RIMS3: variants seen among roughly 807,000 people sequenced by gnomAD.
The protein encoded by RIMS3 is regulating synaptic membrane exocytosis 3, also known as regulating synaptic membrane exocytosis protein 3.
A neutral mutation model predicts 29.2 loss-of-function variants in RIMS3; 15 were observed. The ratio of observed to expected loss-of-function variants is 0.51; its 90% CI spans 0.34 to 0.79. The LOEUF (loss-of-function observed/expected upper bound fraction) is 0.79. RIMS3 is among the 30% of genes least tolerant of loss of function. The pLI, the probability that RIMS3 is intolerant of heterozygous loss-of-function variation, is 0.01. For missense variants in RIMS3, 342 were observed against 421.4 expected, an observed-to-expected ratio of 0.81 and a Z score of 1.65; for synonymous variants, 161 against 170.1, an observed-to-expected ratio of 0.95 and a Z score of 0.41.
the RIMS3 span, among the ~76,000 whole-genome samples, chr1:40,683,306 T>C: frequency 2.0e-5 from 3 of 152,202 alleles, no homozygotes; most frequent in African/African-American, 7.2e-5. Context: ...TTTAACAACG[T>C]TGAGAAGTGG....
rs1379935566 is a variant in RIMS3 at position 40,621,436 on chromosome 1, G to A, written c.*5081C>T. 6.6e-6 allele frequency: 1 copy of A among 152,228 alleles called. No homozygotes were observed. The highest frequency in any genetic ancestry group is 1.9e-4 in the East Asian group (1 of 5,204). The allele number at this position is 152,228 out of a possible 1,614,324, so 9.4% of individuals were successfully genotyped here. On this transcript the variant is annotated 3_prime_UTR_variant, in exon 8 of 8. Transcript: ENST00000372684. ...GTTAGGATTCCCAGAGTTCTTGTCT[G>A]AGGCAGCATCTGGGCATGGACCAGA...
upstream of RIMS3, among the ~76,000 whole-genome samples, chr1:40,670,574 T>TTATACATATATA (rs1642479981): frequency 1.4e-5 from 1 of 71,210 alleles, no homozygotes; most frequent in Non-Finnish European, 2.4e-5. Context: ...AGTTATAATT[T>TTATACATATATA]TATATATATA....
chr1:40,642,844 T>C (rs1292317506), intron 2 of RIMS3, among the ~76,000 whole-genome samples: 2 of 98,104 alleles, frequency 2.0e-5, no homozygotes, highest in African/African-American at 7.5e-5. Context: ...TAATCCCAAC[T>C]ACTCAGGAGG....
rs537562036 is a variant in RIMS3, at chr1:40,659,898, C to T, written c.-207+5496G>A. ...AGATCCCACAGGGCCTCGGAGACTG[C>T]GTCAGTGCATCTGGCTTTCATTCCA... On this transcript the variant is annotated intron_variant, in intron 1 of 7. Transcript: ENST00000372684. Among the ~76,000 whole-genome samples the T allele has an allele frequency of 4.6e-5, 7 of 152,278 alleles. No homozygotes were observed. The South Asian group carries it at 8.3e-4, about 18-fold the overall frequency.
intron 2 of RIMS3, 92 bp from the exon 3 acceptor site, chr1:40,642,048 A>C (rs1646562347): frequency 2.6e-6 from 2 of 764,658 alleles, no homozygotes; most frequent in Non-Finnish European, 4.5e-6. Context: ...ACCTTGGGCT[A>C]GTCACTTGAC....
chr1:40,639,423 G>A lies in RIMS3; in HGVS notation c.217+2286C>T, dbSNP rs1011811799. Among the ~76,000 whole-genome samples the A allele has an allele frequency of 6.6e-5, 10 of 152,204 alleles. No homozygotes were observed. In the East Asian group the frequency reaches 1.9e-3, roughly 29 times the overall value. Reference sequence around the variant, plus strand: ...CTAGATGGAGAGGAACGTGCTACAGGGAAGGAGCAGAGGTGTGGAGGCTGA... The same window carrying A: ...CTAGATGGAGAGGAACGTGCTACAGAGAAGGAGCAGAGGTGTGGAGGCTGA... On this transcript the variant is annotated intron_variant, in intron 3 of 7. Transcript: ENST00000372684.
Position 40,623,639 on chromosome 1 carries a change from G to C in RIMS3, c.*2878C>G. On this transcript the variant is annotated 3_prime_UTR_variant, in exon 8 of 8. Coordinates refer to ENST00000372684, the MANE Select transcript of RIMS3 (RefSeq NM_014747.3). ...TTGGCCCCAGGGTGGGAGACTTCTGGAGGGATCATGTTCCTTCCTTCCCCA... is the reference window on the plus strand; with the variant it reads ...TTGGCCCCAGGGTGGGAGACTTCTGCAGGGATCATGTTCCTTCCTTCCCCA... 2.5e-6 allele frequency: 1 copy of C among 397,878 alleles called. No homozygotes were observed. Among genetic ancestry groups the C allele is most frequent in the Non-Finnish European group, 4.4e-6 (1 of 226,086 alleles). 24.6% of individuals were successfully genotyped at this position (397,878 alleles called of 1,614,324 possible).
At chr1:40,634,300 C>T (rs981457393) in intron 4 of RIMS3, among the ~76,000 whole-genome samples, 1 of 152,204 alleles carries the variant, frequency 6.6e-6, no homozygotes, top group Non-Finnish European at 1.5e-5. Context: ...GCCTGTGTCT[C>T]TCCCTGACTA....
chr1:40,684,795 G>T, the RIMS3 span, among the ~76,000 whole-genome samples: 1 of 152,184 alleles, frequency 6.6e-6, no homozygotes, highest in African/African-American at 2.4e-5. Flanking sequence ...GCTCCTTCCT[G>T]TCTCCCATTG....
the RIMS3 span, chr1:40,673,390 T>C: frequency 6.6e-6 from 1 of 152,150 alleles, no homozygotes; most frequent in African/African-American, 2.4e-5. Flanking sequence ...TCTGCTGAAT[T>C]TTCCTTCTTC....
At chr1:40,660,945 C>G (rs1462836913) in intron 1 of RIMS3, among the ~76,000 whole-genome samples, 2 of 152,068 alleles carry the variant, frequency 1.3e-5, no homozygotes, top group Non-Finnish European at 2.9e-5. Flanking sequence ...CATCTCCTGG[C>G]CAAGCATCAT....
At chr1:40,637,836 G>A (rs1320033154) in intron 3 of RIMS3, among the ~76,000 whole-genome samples, 2 of 152,162 alleles carry the variant, frequency 1.3e-5, no homozygotes, top group Non-Finnish European at 2.9e-5. Flanking sequence ...GGGTAAAAAT[G>A]CTGGTGTGTG....
chr1:40,688,351 G>A, the RIMS3 span, among the ~76,000 whole-genome samples: 1 of 152,166 alleles, frequency 6.6e-6, no homozygotes, highest in Admixed American at 6.5e-5. Flanking sequence ...GACAGGTTCT[G>A]TTATACAGTG....
chr1:40,627,113 C>G (rs1646459463), intron 7 of RIMS3, among the ~76,000 whole-genome samples: 1 of 152,110 alleles, frequency 6.6e-6, no homozygotes, highest in Admixed American at 6.5e-5. Context: ...CAGCCTTCCC[C>G]AGGAAGGGGC....
rs922451452 is a variant in RIMS3 at position 40,635,073 on chromosome 1, TGA to T, written c.359+841_359+842del. Among the ~76,000 whole-genome samples, 16 of 152,164 alleles carry T rather than the reference TGA, an allele frequency of 1.1e-4. No homozygotes were observed. Among genetic ancestry groups the T allele is most frequent in the African/African-American group, 3.9e-4 (16 of 41,434 alleles). On this transcript the variant is annotated intron_variant, in intron 4 of 7. Coordinates refer to ENST00000372684, the MANE Select transcript of RIMS3 (RefSeq NM_014747.3). The surrounding 1 kb of genome is among the most constrained non-coding windows in gnomAD (Gnocchi z 4.1). ...CACCTGGGAAGATGTAATAAATGCTTGAGAGCACTCGCATTCATGGAAGTAGG... is the reference window on the plus strand; with the variant it reads ...CACCTGGGAAGATGTAATAAATGCTTGAGCACTCGCATTCATGGAAGTAGG...
the RIMS3 span, among the ~76,000 whole-genome samples, chr1:40,686,893 T>G: frequency 6.6e-6 from 1 of 152,160 alleles, no homozygotes; most frequent in African/African-American, 2.4e-5. Context: ...TTACTCTCTT[T>G]TCCAGATTGC....
At position 40,623,107 on chromosome 1, in the gene RIMS3, C is replaced by T. The variant is rs1646432680; in HGVS notation, c.*3410G>A. ...CGGCAGTGATTCCACAGAGGATGAG[C>T]TCTATGGGTGGCCTTTCTTGGAGCT... On this transcript the variant is annotated 3_prime_UTR_variant, in exon 8 of 8. Coordinates refer to ENST00000372684, the MANE Select transcript of RIMS3 (RefSeq NM_014747.3). 3.5e-6 allele frequency: 1 copy of T among 288,778 alleles called. No homozygotes were observed. The highest frequency in any genetic ancestry group is 6.4e-6 in the Non-Finnish European group (1 of 156,928). The allele number at this position is 288,778 out of a possible 1,614,324, so 17.9% of individuals were successfully genotyped here. A position where few individuals can be genotyped will look rare whatever the true frequency, so the allele number is the denominator to read the frequency against.
intron 1 of RIMS3, among the ~76,000 whole-genome samples, chr1:40,663,357 G>A (rs983653063): frequency 3.3e-5 from 5 of 152,168 alleles, no homozygotes; most frequent in African/African-American, 1.2e-4. Flanking sequence ...TGCCCCTGGA[G>A]TGGGAGGAGG....
chr1:40,669,703 T>TG (rs1356171443), upstream of RIMS3: 2 of 152,342 alleles, frequency 1.3e-5, no homozygotes, highest in Non-Finnish European at 2.9e-5. Context: ...GCTCTGAGTT[T>TG]GGGGGTAGAC....
Sources: allele counts gnomAD v4.1 joint callset (sites outside exome capture counted in the v4.1 genomes callset), GRCh38; gene constraint gnomAD v4.1.1; non-coding constraint Gnocchi (gnomAD v3.1); transcripts MANE v1.5; gene names NCBI Gene and HGNC (gene_info 2026-07-23, HGNC 2026-07-21).